Variants in OPCML observed in about 807,000 individuals in gnomAD.
OPCML encodes the protein opioid-binding protein/cell adhesion molecule.
A neutral mutation model predicts 37.8 loss-of-function variants in OPCML; 13 were observed. The observed-to-expected ratio is 0.34, with a 90% confidence interval of 0.22 to 0.55. The LOEUF (loss-of-function observed/expected upper bound fraction) is 0.55, where lower values mean the gene tolerates loss of function less well. Among genes scored for constraint, OPCML ranks in the 20% least tolerant of loss-of-function variants. OPCML has a pLI of 0.91. For missense variants in OPCML, 341 were observed against 435.6 expected (o/e 0.78, Z 1.93); for synonymous variants, 176 against 168.8 (o/e 1.04, Z -0.33).
chr11:133,089,009 C>T lies in OPCML; in HGVS notation c.62-145999G>A, dbSNP rs115835214. 3.8e-3 allele frequency among the ~76,000 whole-genome samples: 577 copies of T among 152,256 alleles called. 10 individuals are homozygous for T. Among genetic ancestry groups the T allele is most frequent in the African/African-American group, 9.6e-3 (397 of 41,542 alleles). ...TAAGTAATGTAGTTTCTAGATGAAC[C>T]CGCTGATATACACTGATTGCCAAAT... On this transcript the variant is annotated intron_variant, in intron 1 of 7. Coordinates refer to ENST00000524381, the MANE Select transcript of OPCML (RefSeq NM_001012393.5).
intron 3 of OPCML, among the ~76,000 whole-genome samples, chr11:132,577,665 A>G (rs73036896): frequency 0.024 from 3,714 of 152,266 alleles, 113 homozygotes; most frequent in East Asian, 0.056. Context: ...TCAGAAATGA[A>G]ACTTTCTCTA....
intron 2 of OPCML, among the ~76,000 whole-genome samples, chr11:132,890,612 C>T (rs1591760782): frequency 7.4e-6 from 1 of 135,718 alleles, no homozygotes; most frequent in Non-Finnish European, 1.5e-5. Flanking sequence ...TTTGGGAGGC[C>T]GAGGCAGGCG....
At position 132,419,394 on chromosome 11, in the gene OPCML, T is replaced by C. The variant is rs1300383788; in HGVS notation, c.*799A>G. The C allele has an allele frequency of 6.6e-6, 1 of 152,222 alleles. No homozygotes were observed. The highest frequency in any genetic ancestry group is 1.5e-5 in the Non-Finnish European group (1 of 68,040). 9.4% of individuals were successfully genotyped at this position (152,222 alleles called of 1,614,324 possible). A position where few individuals can be genotyped will look rare whatever the true frequency, so the allele number is the denominator to read the frequency against. ...TGTACCATTACTTTGATAGATAGCT[T>C]GACAAAACCTAAATAAATCAGCCAC... On this transcript the variant is annotated 3_prime_UTR_variant, in exon 8 of 8. Transcript: ENST00000524381.
At chr11:133,436,538 A>G (rs1254618813) in intron 1 of OPCML, among the ~76,000 whole-genome samples, 1 of 152,220 alleles carries the variant, frequency 6.6e-6, no homozygotes, top group Non-Finnish European at 1.5e-5. Flanking sequence ...TTAAGCTCAC[A>G]AATGTGATCT....
intron 1 of OPCML, among the ~76,000 whole-genome samples, chr11:133,161,208 A>T (rs1278375078): frequency 6.6e-6 from 1 of 152,226 alleles, no homozygotes; most frequent in Non-Finnish European, 1.5e-5. Context: ...ATCCTGGCTG[A>T]TTGCAGTGAC....
rs570030610 is a variant in OPCML at position 132,788,359 on chromosome 11, C to T, written c.147-131040G>A. Among the ~76,000 whole-genome samples the T allele has an allele frequency of 3.3e-5, 5 of 152,292 alleles. No homozygotes were observed. In the South Asian group the frequency reaches 1.0e-3, roughly 32 times the overall value. On this transcript the variant is annotated intron_variant, in intron 2 of 7. Transcript: ENST00000524381. ...TACCCTCAACCCCACATCCAATCCACCGCTAACTCCATCAATTCTGTCTCC... is the reference window on the plus strand; with the variant it reads ...TACCCTCAACCCCACATCCAATCCATCGCTAACTCCATCAATTCTGTCTCC...
intron 1 of OPCML, among the ~76,000 whole-genome samples, chr11:133,162,277 G>A (rs1337665256): frequency 1.3e-5 from 2 of 152,136 alleles, no homozygotes; most frequent in African/African-American, 2.4e-5. Flanking sequence ...CCTTTGAGAC[G>A]TGCAGGACAA....
At chr11:133,155,775 C>G (rs1056911956) in intron 1 of OPCML, among the ~76,000 whole-genome samples, 4 of 152,188 alleles carry the variant, frequency 2.6e-5, no homozygotes, top group African/African-American at 9.7e-5. Context: ...CTGCTCCTGG[C>G]TCATTCCTCC....
At chr11:133,338,435 G>A (rs1238670772) in intron 1 of OPCML, among the ~76,000 whole-genome samples, 1 of 152,152 alleles carries the variant, frequency 6.6e-6, no homozygotes, top group African/African-American at 2.4e-5. Context: ...AGGTGGAGGG[G>A]GTGTGCTGGC....
intron 4 of OPCML, among the ~76,000 whole-genome samples, chr11:132,503,135 G>A (rs2096249177): frequency 6.6e-6 from 1 of 152,184 alleles, no homozygotes; most frequent in African/African-American, 2.4e-5. Context: ...AGGCACTAAG[G>A]AAACTGGTTG....
In OPCML at chr11:133,406,340, C is replaced by G. The variant is rs1275102068; in HGVS notation, c.61+125924G>C. On this transcript the variant is annotated intron_variant, in intron 1 of 7. Coordinates refer to ENST00000524381, the MANE Select transcript of OPCML (RefSeq NM_001012393.5). ...AATTATCTTCCATCCTCAGTGGGAA[C>G]AGACCATGAGACCATTCTCCTTCCA... Among the ~76,000 whole-genome samples, 6 of 152,088 alleles carry G rather than the reference C, an allele frequency of 3.9e-5. No homozygotes were observed. In the East Asian group the frequency reaches 1.2e-3, roughly 29 times the overall value.
intron 1 of OPCML, among the ~76,000 whole-genome samples, chr11:133,283,141 G>C (rs1351197291): frequency 6.6e-6 from 1 of 152,046 alleles, no homozygotes; most frequent in African/African-American, 2.4e-5. Flanking sequence ...ATGATATTTT[G>C]GGGGGTAGGG....
chr11:133,455,339 A>G (rs1946653269), intron 1 of OPCML, among the ~76,000 whole-genome samples: 1 of 152,136 alleles, frequency 6.6e-6, no homozygotes, highest in Non-Finnish European at 1.5e-5. Context: ...AGTTTTTATA[A>G]GCTCCATTTT....
intron 1 of OPCML, among the ~76,000 whole-genome samples, chr11:133,443,349 T>G (rs369253055): frequency 1.1e-4 from 17 of 152,232 alleles, no homozygotes; most frequent in Non-Finnish European, 2.5e-4. Context: ...TGAGATCTGC[T>G]GGCGATTCAG....
intron 3 of OPCML, among the ~76,000 whole-genome samples, chr11:132,614,358 T>G (rs2137868039): frequency 6.6e-6 from 1 of 152,312 alleles, no homozygotes; most frequent in East Asian, 1.9e-4. Context: ...CAAAGAATTC[T>G]GAGTGACCTC....
intron 1 of OPCML, among the ~76,000 whole-genome samples, chr11:133,445,705 C>A (rs1946460477): frequency 6.6e-6 from 1 of 152,100 alleles, no homozygotes; most frequent in African/African-American, 2.4e-5. Flanking sequence ...ATGTAATTTC[C>A]CCCTTGGCTA....
chr11:132,890,219 C>T (rs1943587714), intron 2 of OPCML, among the ~76,000 whole-genome samples: 1 of 152,110 alleles, frequency 6.6e-6, no homozygotes, highest in Non-Finnish European at 1.5e-5. Flanking sequence ...GCTAAAATAC[C>T]TTCTCTTCCA....
chr11:133,395,330 CT>C (rs1214697000), intron 1 of OPCML, among the ~76,000 whole-genome samples: 1 of 152,060 alleles, frequency 6.6e-6, no homozygotes, highest in Non-Finnish European at 1.5e-5. Context: ...GTTATCTCTA[CT>C]TTTTTTGATT....
At chr11:133,282,292 T>C (rs924016034) in intron 1 of OPCML, among the ~76,000 whole-genome samples, 1 of 152,194 alleles carries the variant, frequency 6.6e-6, no homozygotes, top group Non-Finnish European at 1.5e-5. Flanking sequence ...CTCCAGACAC[T>C]GCTCCCCACA....
Sources: gnomAD v4.1 joint callset for allele counts (sites outside exome capture counted in the v4.1 genomes callset) on GRCh38, gnomAD v4.1.1 for gene constraint, MANE v1.5 for transcripts, NCBI Gene and HGNC (gene_info 2026-07-23, HGNC 2026-07-21) for gene names.